The following CEP128 variants were observed in gnomAD, a reference collection of about 807,000 sequenced individuals.
CEP128 encodes the protein centrosomal protein 128, also known as centrosomal protein 128kDa.
CEP128 carries 132 observed loss-of-function variants against 156.7 expected under a neutral mutation model. The observed-to-expected ratio is 0.84, with a 90% CI of 0.73 to 0.97. CEP128 has a LOEUF of 0.97. Ranked by LOEUF, CEP128 falls within the 50% of genes least tolerant of loss-of-function variation. CEP128 has a pLI of 0.00. For missense variants in CEP128, 1,252 were observed against 1,281.9 expected (o/e 0.98, Z 0.36); for synonymous variants, 469 against 448.9 (o/e 1.04, Z -0.57).
chr14:80,842,067 TC>T (rs1168285207), intron 9 of CEP128, among the ~76,000 whole-genome samples: 1 of 152,082 alleles, frequency 6.6e-6, no homozygotes, highest in Non-Finnish European at 1.5e-5. Context: ...ACTCCTTTCT[TC>T]CTTACTTTCC....
intron 19 of CEP128, among the ~76,000 whole-genome samples, chr14:80,618,172 C>A (rs1287546620): frequency 2.0e-5 from 3 of 152,204 alleles, no homozygotes; most frequent in Non-Finnish European, 2.9e-5. Flanking sequence ...ACTTTTGCTT[C>A]AATTTTTTTC....
At position 80,716,722 on chromosome 14, in the gene CEP128, T is replaced by C. The variant is rs577368955; in HGVS notation, c.2806+26353A>G. On this transcript the variant is annotated intron_variant, in intron 19 of 24. Coordinates refer to ENST00000555265, the MANE Select transcript of CEP128 (RefSeq NM_152446.5). ...CTGCTATGTACATGCGTGTACGGGT[T>C]TTTGCTTGACAAATGTTTTCATTTC... Among the ~76,000 whole-genome samples the C allele has an allele frequency of 1.9e-4, 29 of 152,342 alleles. No individual in the cohort carries two copies. The South Asian group carries it at 5.6e-3, about 29-fold the overall frequency.
At chr14:80,596,560 G>T (rs1892328109) in intron 19 of CEP128, among the ~76,000 whole-genome samples, 1 of 152,100 alleles carries the variant, frequency 6.6e-6, no homozygotes, top group Non-Finnish European at 1.5e-5. Flanking sequence ...TGTGATCCCA[G>T]AGCTTTGGGA....
At chr14:80,514,174 CA>C (rs1432742205) in intron 23 of CEP128, among the ~76,000 whole-genome samples, 1 of 152,150 alleles carries the variant, frequency 6.6e-6, no homozygotes, top group African/African-American at 2.4e-5. Flanking sequence ...TGAGTTGTCC[CA>C]CCTTTCTGAA....
At chr14:80,834,162 T>C (rs965831392) in intron 12 of CEP128, among the ~76,000 whole-genome samples, 1 of 152,032 alleles carries the variant, frequency 6.6e-6, no homozygotes, top group African/African-American at 2.4e-5. Context: ...ACAAAAGCCA[T>C]GAGTAGGATA....
intron 19 of CEP128, among the ~76,000 whole-genome samples, chr14:80,740,698 T>A (rs775955799): frequency 3.3e-5 from 5 of 152,180 alleles, no homozygotes; most frequent in Non-Finnish European, 7.4e-5. Context: ...TTTTTCTACA[T>A]CCTCTTACCT....
At chr14:80,855,224 T>C (rs898840305) in intron 9 of CEP128, among the ~76,000 whole-genome samples, 1 of 152,176 alleles carries the variant, frequency 6.6e-6, no homozygotes, top group East Asian at 1.9e-4. Context: ...TCTGACACCC[T>C]GCCTGTGTTA....
intron 16 of CEP128, among the ~76,000 whole-genome samples, chr14:80,765,973 C>T (rs1268566026): frequency 6.6e-6 from 1 of 152,028 alleles, no homozygotes. Context: ...GGACTAATGT[C>T]CTAAAGTAGA....
chr14:80,840,627 A>C, intron 10 of CEP128, 55 bp downstream of exon 10: 1 of 1,116,168 alleles, frequency 9.0e-7, no homozygotes, highest in Non-Finnish European at 1.4e-6. Flanking sequence ...CACTCAACAA[A>C]TACCATTGGC....
At chr14:80,801,387 C>T (rs1241239740) in intron 13 of CEP128, among the ~76,000 whole-genome samples, 11 of 62,744 alleles carry the variant, frequency 1.8e-4, no homozygotes, top group African/African-American at 2.8e-4. Flanking sequence ...CATAAATATC[C>T]CTTACTAGTT....
chr14:80,546,622 T>C (rs986918159), intron 21 of CEP128, among the ~76,000 whole-genome samples: 2 of 152,188 alleles, frequency 1.3e-5, no homozygotes, highest in Admixed American at 1.3e-4. Flanking sequence ...AGTCTATCTA[T>C]GTTTCAGTGG....
rs1901791889 is a variant in CEP128 at position 80,792,943 on chromosome 14, C to G, written c.1377G>C (p.Glu459Asp). ...ACTGCTGGAGCTCACTGAGGTACCG[C>G]TCAGCCTGCTTGGTTGCATCCTCCG... is the stretch of plus-strand genomic sequence containing the variant. ...RHAEDATKQA[E>D]RYLSELQQSE... The change falls in exon 14 of 25, where the codon GAG becomes GAC. Residue 459 changes from glutamate (E) to aspartate (D), a missense_variant. By Grantham distance (45) the Glu-to-Asp change is conservative. Coordinates refer to ENST00000555265, the MANE Select transcript of CEP128 (RefSeq NM_152446.5). The G allele has an allele frequency of 6.2e-7, 1 of 1,614,076 alleles. No homozygotes were observed. The highest frequency in any genetic ancestry group is 1.7e-5 in the Admixed American group (1 of 59,982).
chr14:80,586,351 A>C (rs1022313546), intron 19 of CEP128, among the ~76,000 whole-genome samples: 2 of 152,194 alleles, frequency 1.3e-5, no homozygotes, highest in African/African-American at 4.8e-5. Flanking sequence ...GATCTAATCT[A>C]GTGTCCTGGG....
At chr14:80,826,572 CTTCT>C (rs1885492416) in intron 13 of CEP128, among the ~76,000 whole-genome samples, 1 of 152,024 alleles carries the variant, frequency 6.6e-6, no homozygotes, top group South Asian at 2.1e-4. Flanking sequence ...AACAACCTTC[CTTCT>C]ATTTGTATTG....
At chr14:80,758,419 G>A (rs905546759) in intron 17 of CEP128, among the ~76,000 whole-genome samples, 9 of 152,076 alleles carry the variant, frequency 5.9e-5, no homozygotes, top group Admixed American at 4.6e-4. Context: ...CTACTCGGGA[G>A]GCTGAGGCAA....
chr14:80,663,725 C>T (rs1344206760), intron 19 of CEP128, among the ~76,000 whole-genome samples: 1 of 152,164 alleles, frequency 6.6e-6, no homozygotes, highest in Non-Finnish European at 1.5e-5. Context: ...AACCCCCCTA[C>T]AAGGGAGGAA....
chr14:80,903,221 A>T (rs577048602), intron 6 of CEP128, among the ~76,000 whole-genome samples: 1 of 152,272 alleles, frequency 6.6e-6, no homozygotes, highest in South Asian at 2.1e-4. Flanking sequence ...CGGTCAACTG[A>T]TTTTTTATGA....
intron 9 of CEP128, among the ~76,000 whole-genome samples, chr14:80,852,101 T>C (rs1179543534): frequency 6.6e-6 from 1 of 152,070 alleles, no homozygotes; most frequent in Admixed American, 6.6e-5. Context: ...TATGTATGCA[T>C]GTATGACATG....
chr14:80,568,845 G>C (rs550108650), intron 20 of CEP128, among the ~76,000 whole-genome samples: 1 of 152,052 alleles, frequency 6.6e-6, no homozygotes, highest in Non-Finnish European at 1.5e-5. Flanking sequence ...TGCACTTCTG[G>C]GAAGCATACA....
Sources: allele counts gnomAD v4.1 joint callset (sites outside exome capture counted in the v4.1 genomes callset), GRCh38; gene constraint gnomAD v4.1.1; transcripts MANE v1.5; gene names NCBI Gene and HGNC (gene_info 2026-07-23, HGNC 2026-07-21).